FRMPD2: variants seen among roughly 807,000 people sequenced by gnomAD.
The protein encoded by FRMPD2 is FERM and PDZ domain-containing protein 2.
In FRMPD2, 96 loss-of-function variants were observed where a neutral mutation model predicts 140.1. The observed-to-expected ratio is 0.69, with a 90% CI of 0.58 to 0.81. FRMPD2 has a LOEUF of 0.81. FRMPD2 is among the 40% of genes least tolerant of loss of function. The pLI is 0.00. For missense variants in FRMPD2, 1,240 were observed against 1,447.4 expected (o/e 0.86, Z 2.32); for synonymous variants, 449 against 547.6 (o/e 0.82, Z 2.52).
chr10:48,263,251 T>C (rs543250971), intron 1 of FRMPD2, among the ~76,000 whole-genome samples: 1 of 152,042 alleles, frequency 6.6e-6, no homozygotes, highest in Non-Finnish European at 1.5e-5. Flanking sequence ...CTTCCACCTT[T>C]AGTAAACTAC....
At chr10:48,265,947 A>G (rs1430359995) in intron 1 of FRMPD2, among the ~76,000 whole-genome samples, 1 of 152,230 alleles carries the variant, frequency 6.6e-6, no homozygotes, top group Non-Finnish European at 1.5e-5. Flanking sequence ...TCACAGTGGC[A>G]AAGACATGGG....
chr10:48,249,468 C>T (rs527925833), intron 2 of FRMPD2, among the ~76,000 whole-genome samples: 14 of 152,316 alleles, frequency 9.2e-5, no homozygotes, highest in Admixed American at 5.2e-4. Context: ...TGGAATTTAG[C>T]ACAAGCCTGA....
chr10:48,207,162 C>T (rs1206877494), intron 13 of FRMPD2, among the ~76,000 whole-genome samples: 1 of 150,164 alleles, frequency 6.7e-6, no homozygotes, highest in African/African-American at 2.4e-5. Flanking sequence ...TTTTGTAACC[C>T]AAGGAATACT....
intron 10 of FRMPD2, among the ~76,000 whole-genome samples, chr10:48,231,702 G>A (rs763922549): frequency 8.5e-5 from 13 of 152,184 alleles, no homozygotes; most frequent in Non-Finnish European, 1.6e-4. Context: ...CTAATAGAAC[G>A]TCAGAGAGGG....
At chr10:48,256,836 T>C (rs1338825931) in intron 1 of FRMPD2, among the ~76,000 whole-genome samples, 1 of 152,212 alleles carries the variant, frequency 6.6e-6, no homozygotes, top group Non-Finnish European at 1.5e-5. Flanking sequence ...TCGGCATTCT[T>C]TCTCCCTCTC....
intron 14 of FRMPD2, among the ~76,000 whole-genome samples, chr10:48,204,471 A>G (rs1027663055): frequency 6.6e-6 from 1 of 152,236 alleles, no homozygotes; most frequent in Non-Finnish European, 1.5e-5. Flanking sequence ...CCATGCTAGA[A>G]GAAAAACTAA....
In FRMPD2 at chr10:48,175,078, T is replaced by C. The variant is rs1588805738; in HGVS notation, c.2990-123A>G. 5.7e-6 allele frequency: 3 copies of C among 525,342 alleles called. No individual in the cohort carries two copies. In the East Asian group the frequency reaches 1.5e-4, roughly 27 times the overall value. 32.5% of individuals were successfully genotyped at this position (525,342 alleles called of 1,614,324 possible). A position where few individuals can be genotyped will look rare whatever the true frequency, so the allele number is the denominator to read the frequency against. ...GGAGAAGTGGGAAAGGAAGCTGAGG[T>C]GCCAGGTGTCCCCCTGGAGTCAGCA... On this transcript the variant is annotated intron_variant, in intron 23 of 28. Coordinates refer to ENST00000374201, the MANE Select transcript of FRMPD2 (RefSeq NM_001018071.4).
intron 12 of FRMPD2, among the ~76,000 whole-genome samples, chr10:48,216,824 A>G (rs1338311977): frequency 1.3e-5 from 2 of 152,202 alleles, no homozygotes; most frequent in South Asian, 2.1e-4. Context: ...AAGAATGTCA[A>G]CTGATTCACT....
intron 24 of FRMPD2, among the ~76,000 whole-genome samples, chr10:48,174,116 G>A (rs1157450362): frequency 6.6e-6 from 1 of 152,180 alleles, no homozygotes; most frequent in East Asian, 1.9e-4. Flanking sequence ...AAACCGCTTT[G>A]GGAAAGAAAG....
In FRMPD2 at chr10:48,178,124, G is replaced by T; in HGVS notation, c.2818C>A (p.Pro940Thr). 1.3e-6 allele frequency: 2 copies of T among 1,567,944 alleles called. No homozygotes were observed. The highest frequency in any genetic ancestry group is 8.8e-7 in the Non-Finnish European group (1 of 1,140,532). ...KGAGSSCPPS[P>T]PEISAGEIYF... ...ATTTCACCAGCACTGATTTCTGGAGGTGATGGAGGACAAGAAGAACCAGCA... is the reference window on the plus strand; with the variant it reads ...ATTTCACCAGCACTGATTTCTGGAGTTGATGGAGGACAAGAAGAACCAGCA... Residue 940 changes from proline to threonine, a missense_variant, in exon 22 of 29, where the codon CCT becomes ACT. Pro to Thr is a conservative substitution (Grantham distance 38). Around this residue, in one of 6 missense-constraint regions of FRMPD2, gnomAD observed 25 missense variants for 41.5 expected, o/e 0.60. Transcript: ENST00000374201.
Position 48,232,302 on chromosome 10 carries a change from A to G in FRMPD2, c.994-13T>C. On this transcript the variant is annotated splice_polypyrimidine_tract_variant and intron_variant, in intron 9 of 28. Transcript: ENST00000374201. ...TCCCTTTTTTGGTCTGAAAACAACA[A>G]CAGTATCAATTATACTACAATTATA... The G allele has an allele frequency of 1.3e-6, 2 of 1,596,738 alleles. No homozygotes were observed. Among genetic ancestry groups the G allele is most frequent in the Non-Finnish European group, 1.7e-6 (2 of 1,168,834 alleles).
At chr10:48,212,872 G>A (rs889434686) in intron 12 of FRMPD2, among the ~76,000 whole-genome samples, 2 of 152,220 alleles carry the variant, frequency 1.3e-5, no homozygotes, top group East Asian at 1.9e-4. Context: ...AGTCCATGCA[G>A]GAGTGATCTT....
chr10:48,215,095 A>G (rs913275285), intron 12 of FRMPD2, among the ~76,000 whole-genome samples: 1 of 152,204 alleles, frequency 6.6e-6, no homozygotes, highest in Non-Finnish European at 1.5e-5. Context: ...TGCAAATGTA[A>G]TCATGTTGCT....
chr10:48,192,599 A>T (rs1838854489), intron 16 of FRMPD2, 85 bp downstream of exon 16: 1 of 1,269,132 alleles, frequency 7.9e-7, no homozygotes, highest in Non-Finnish European at 1.1e-6. Flanking sequence ...TCAAAAAAAA[A>T]ATAAAATAAA....
intron 3 of FRMPD2, 146 bp downstream of exon 3, chr10:48,248,875 G>C: frequency 1.8e-6 from 1 of 571,084 alleles, no homozygotes; most frequent in East Asian, 3.1e-5. Flanking sequence ...AAGAAATCCT[G>C]GGAATAAAAC....
chr10:48,239,481 C>G lies in FRMPD2; in HGVS notation c.788+124G>C, dbSNP rs1278164173. The G allele has an allele frequency of 4.7e-6, 3 of 633,560 alleles. No homozygotes were observed. In the African/African-American group the frequency reaches 5.5e-5, roughly 12 times the overall value. 39.2% of individuals were successfully genotyped at this position (633,560 alleles called of 1,614,324 possible). On this transcript the variant is annotated intron_variant, in intron 7 of 28. Coordinates refer to ENST00000374201, the MANE Select transcript of FRMPD2 (RefSeq NM_001018071.4). ...GCTTCTTCATCTGTTAATGGAATAG[C>G]ATTGGCATTTTCTGGAGGAGCAAGA... is the stretch of plus-strand genomic sequence containing the variant.
At chr10:48,210,234 G>A (rs560634129) in intron 13 of FRMPD2, among the ~76,000 whole-genome samples, 33 of 152,262 alleles carry the variant, frequency 2.2e-4, no homozygotes, top group African/African-American at 7.7e-4. Context: ...CCACAGGCAG[G>A]CAACACCAGC....
intron 1 of FRMPD2, among the ~76,000 whole-genome samples, chr10:48,264,525 A>C (rs1178036367): frequency 6.6e-6 from 1 of 152,106 alleles, no homozygotes; most frequent in Non-Finnish European, 1.5e-5. Context: ...ACACAATATC[A>C]ATTATTATAT....
intron 1 of FRMPD2, among the ~76,000 whole-genome samples, chr10:48,253,995 A>C (rs1840441561): frequency 6.6e-6 from 1 of 152,062 alleles, no homozygotes; most frequent in Admixed American, 6.5e-5. Flanking sequence ...CAGGATCACA[A>C]CTTCCATATC....
Sources: gnomAD v4.1 joint callset for allele counts (sites outside exome capture counted in the v4.1 genomes callset) on GRCh38, gnomAD v4.1.1 for gene constraint, gnomAD v4.1.1 regional missense constraint, MANE v1.5 for transcripts, NCBI Gene and HGNC (gene_info 2026-07-23, HGNC 2026-07-21) for gene names.